Variants in ZNF423 observed in about 807,000 individuals in gnomAD.
ZNF423 encodes zinc finger protein 423.
ZNF423 carries 12 observed loss-of-function variants against 95.8 expected under a neutral mutation model. The observed-to-expected ratio is 0.13, with a 90% CI of 0.08 to 0.20. The LOEUF (loss-of-function observed/expected upper bound fraction) is 0.20, where lower values mean the gene tolerates loss of function less well. Among genes scored for constraint, ZNF423 ranks in the 10% least tolerant of loss-of-function variants. ZNF423 has a pLI of 1.00. For missense variants in ZNF423, 1,316 were observed against 1,737.1 expected, an observed-to-expected ratio of 0.76 and a Z score of 4.31; for synonymous variants, 749 against 711.9, an observed-to-expected ratio of 1.05 and a Z score of -0.83.
intron 3 of ZNF423, among the ~76,000 whole-genome samples, chr16:49,687,797 C>A (rs943244604): frequency 1.3e-5 from 2 of 152,190 alleles, no homozygotes; most frequent in Non-Finnish European, 2.9e-5. Flanking sequence ...TCGTGCCTTT[C>A]ATTTCCCTCC....
intron 5 of ZNF423, among the ~76,000 whole-genome samples, chr16:49,596,815 A>T (rs116717016): frequency 6.6e-6 from 1 of 152,308 alleles, no homozygotes; most frequent in African/African-American, 2.4e-5. Context: ...TGTCAGGCAC[A>T]GGGCTGTGTG....
chr16:49,605,880 T>C (rs894317483), intron 5 of ZNF423, among the ~76,000 whole-genome samples: 1 of 152,102 alleles, frequency 6.6e-6, no homozygotes, highest in African/African-American at 2.4e-5. Context: ...CTTTCCAAAC[T>C]GAAAACACAA....
In ZNF423 at chr16:49,730,714, C is replaced by T. The variant is rs1281943262; in HGVS notation, c.301+57G>A. 4 of 1,566,894 alleles carry T rather than the reference C, an allele frequency of 2.6e-6. No individual in the cohort carries two copies. In the Middle Eastern group the frequency reaches 5.1e-4, roughly 200 times the overall value. On this transcript the variant is annotated intron_variant, in intron 3 of 7. Transcript: ENST00000563137. ...TCTCACTTGAGGCTTCAAGCTGTTG[C>T]TATGTCCAATTACCCGTGTAACCAC... is the stretch of plus-strand genomic sequence containing the variant.
In ZNF423 at chr16:49,638,087, G is replaced by C; in HGVS notation, c.1089C>G (p.Val363=). ...CGCTGCCCAGTACAGGGTCGGGACT[G>C]ACACTGTGGTTGCTGGAGTCGGGCT... ...HRQPDSSNHS[V]SPDPVLGSVA... Residue 363 remains valine, a synonymous_variant, in exon 4 of 8, where the codon GTC becomes GTG. Transcript: ENST00000563137. This position sits in a 1 kb window ranked among gnomAD's most constrained non-coding sequence, Gnocchi z 5.6. 6.2e-7 allele frequency: 1 copy of C among 1,613,830 alleles called. No individual in the cohort carries two copies. The highest frequency in any genetic ancestry group is 8.5e-7 in the Non-Finnish European group (1 of 1,179,958).
chr16:49,712,677 T>TTG (rs1486858063), intron 3 of ZNF423, among the ~76,000 whole-genome samples: 1 of 152,272 alleles, frequency 6.6e-6, no homozygotes, highest in Non-Finnish European at 1.5e-5. Flanking sequence ...CCACATCACC[T>TTG]TGCCCTGCAC....
intron 1 of ZNF423, among the ~76,000 whole-genome samples, chr16:49,803,911 G>A (rs369975800): frequency 4.0e-5 from 6 of 149,778 alleles, no homozygotes; most frequent in Non-Finnish European, 7.4e-5. Context: ...GTGGGGAACC[G>A]GCCCAGGGCT....
chr16:49,497,352 A>T (rs1339459367), intron 7 of ZNF423, among the ~76,000 whole-genome samples: 1 of 152,218 alleles, frequency 6.6e-6, no homozygotes, highest in Non-Finnish European at 1.5e-5. Context: ...CCCTCCCGTG[A>T]GGAGCTCACA....
intron 5 of ZNF423, among the ~76,000 whole-genome samples, chr16:49,556,712 C>T (rs1035975566): frequency 1.3e-5 from 2 of 152,206 alleles, no homozygotes; most frequent in Non-Finnish European, 2.9e-5. Context: ...AAGCTCAGCA[C>T]AAATTCTTTT....
At chr16:49,837,135 G>A (rs2035128987) in intron 1 of ZNF423, among the ~76,000 whole-genome samples, 1 of 152,120 alleles carries the variant, frequency 6.6e-6, no homozygotes, top group South Asian at 2.1e-4. Context: ...GACAGTGATG[G>A]AGCATCTCCC....
chr16:49,782,119 C>A (rs2034222174), intron 2 of ZNF423, among the ~76,000 whole-genome samples: 2 of 152,356 alleles, frequency 1.3e-5, no homozygotes, highest in Admixed American at 1.3e-4. Flanking sequence ...GGCAGCAAAT[C>A]CTGAGAGCTG....
chr16:49,518,780 G>A (rs934132369), intron 7 of ZNF423, among the ~76,000 whole-genome samples: 20 of 152,188 alleles, frequency 1.3e-4, no homozygotes, highest in African/African-American at 4.8e-4. Flanking sequence ...TGGCACCAGG[G>A]ACAGTGGCTC....
intron 7 of ZNF423, among the ~76,000 whole-genome samples, chr16:49,513,680 CGGAT>C (rs1567435023): frequency 7.1e-5 from 10 of 140,764 alleles, no homozygotes; most frequent in Non-Finnish European, 3.2e-5. Context: ...GATGGACGGA[CGGAT>C]GGCAAAGGGT....
intron 5 of ZNF423, among the ~76,000 whole-genome samples, chr16:49,587,187 C>T (rs566784144): frequency 1.3e-5 from 2 of 152,270 alleles, no homozygotes; most frequent in African/African-American, 2.4e-5. Flanking sequence ...GTTTCCCATG[C>T]GTTCCTTTAG....
chr16:49,843,994 T>C (rs2035217994), intron 1 of ZNF423, among the ~76,000 whole-genome samples: 1 of 152,190 alleles, frequency 6.6e-6, no homozygotes, highest in Non-Finnish European at 1.5e-5. Flanking sequence ...TTGAACATTC[T>C]GTTTTATTTA....
At chr16:49,518,469 C>A in intron 7 of ZNF423, 2 of 435,266 alleles carry the variant, frequency 4.6e-6, no homozygotes, top group Non-Finnish European at 9.1e-6. Context: ...AATAACTGTG[C>A]GCACTGTCTG....
intron 5 of ZNF423, among the ~76,000 whole-genome samples, chr16:49,616,297 T>C (rs1971873065): frequency 6.6e-6 from 1 of 151,882 alleles, no homozygotes; most frequent in African/African-American, 2.4e-5. Context: ...GGAGATAGAG[T>C]GCAGAGTGAT....
chr16:49,763,779 G>C (rs1006593321), intron 2 of ZNF423, among the ~76,000 whole-genome samples: 3 of 152,110 alleles, frequency 2.0e-5, no homozygotes, highest in African/African-American at 7.2e-5. Context: ...TTTCCAAAGG[G>C]TCAGTTTCCA....
chr16:49,512,230 A>T (rs1035336889), intron 7 of ZNF423, among the ~76,000 whole-genome samples: 2 of 152,182 alleles, frequency 1.3e-5, no homozygotes, highest in Non-Finnish European at 2.9e-5. Context: ...TGCAGGCTAG[A>T]TTGAGCACGT....
chr16:49,773,299 A>C (rs1379765352), intron 2 of ZNF423, among the ~76,000 whole-genome samples: 3 of 152,158 alleles, frequency 2.0e-5, no homozygotes, highest in Non-Finnish European at 4.4e-5. Flanking sequence ...AGCCTGGGTG[A>C]CAGAGCAAGA....
Sources: gnomAD v4.1 joint callset for allele counts (sites outside exome capture counted in the v4.1 genomes callset) on GRCh38, gnomAD v4.1.1 for gene constraint, Gnocchi (gnomAD v3.1) non-coding constraint, MANE v1.5 for transcripts, NCBI Gene and HGNC (gene_info 2026-07-23, HGNC 2026-07-21) for gene names.